The following XKR6 variants were observed in gnomAD, a reference collection of about 807,000 sequenced individuals.
The protein encoded by XKR6 is XK-related protein 6.
Under a neutral mutation model 56.7 loss-of-function variants are expected in XKR6, and 22 were observed. That is an observed-to-expected ratio of 0.39 (90% CI 0.28 to 0.55). XKR6 has a LOEUF of 0.55. Ranked by LOEUF, XKR6 falls within the 20% of genes least tolerant of loss-of-function variation. XKR6 has a pLI of 0.66. For missense variants in XKR6, 852 were observed against 889.0 expected (o/e 0.96, Z 0.53); for synonymous variants, 524 against 387.8 (o/e 1.35, Z -4.13).
chr8:10,898,392 C>T lies in XKR6; in HGVS notation c.1486G>A (p.Gly496Ser). The T allele has an allele frequency of 6.2e-7, 1 of 1,613,994 alleles. No individual in the cohort carries two copies. The highest frequency in any genetic ancestry group is 1.1e-5 in the South Asian group (1 of 91,054). ...CGTGGTCCTGTGGGATGCAGCACGC[C>T]ATAGTATAAGAGCATCATTGCGATC... is the stretch of plus-strand genomic sequence containing the variant. ...AGIAMMLLYYGVLHPTGPRAK... is the reference protein window; with the variant it reads ...AGIAMMLLYYSVLHPTGPRAK... The change falls in exon 3 of 3, where the codon GGC becomes AGC. Residue 496 changes from glycine to serine, a missense_variant. Coordinates refer to ENST00000416569, the MANE Select transcript of XKR6 (RefSeq NM_173683.4). This position sits in a 1 kb window ranked among gnomAD's most constrained non-coding sequence, Gnocchi z 6.6.
intron 1 of XKR6, among the ~76,000 whole-genome samples, chr8:10,926,499 C>A (rs78543895): frequency 0.15 from 22,521 of 152,250 alleles, 1,918 homozygotes; most frequent in Non-Finnish European, 0.18. Flanking sequence ...TCCAGACCCA[C>A]CCCCTGTGGT....
intron 1 of XKR6, among the ~76,000 whole-genome samples, chr8:11,025,341 T>C (rs1001873725): frequency 1.3e-5 from 2 of 152,242 alleles, no homozygotes; most frequent in Non-Finnish European, 2.9e-5. Context: ...CTTTTCTTTA[T>C]AATATGCTTC....
chr8:11,015,195 CTTT>C (rs35305267), intron 1 of XKR6, among the ~76,000 whole-genome samples: 393 of 146,116 alleles, frequency 2.7e-3, no homozygotes, highest in African/African-American at 8.9e-3. Flanking sequence ...GTGAGCTGCA[CTTT>C]TTTTTTTTTT....
At chr8:10,963,689 T>C (rs542818087) in intron 1 of XKR6, among the ~76,000 whole-genome samples, 6 of 151,826 alleles carry the variant, frequency 4.0e-5, no homozygotes, top group African/African-American at 1.2e-4. Flanking sequence ...GGACCACAGG[T>C]AAATGCCATC....
intron 1 of XKR6, among the ~76,000 whole-genome samples, chr8:11,070,450 GAGA>G (rs1312313506): frequency 2.0e-5 from 3 of 152,184 alleles, no homozygotes; most frequent in Non-Finnish European, 2.9e-5. Context: ...TGGGTAGGAG[GAGA>G]AGATCAGAAA....
At chr8:10,979,664 T>G (rs1330554519) in intron 1 of XKR6, among the ~76,000 whole-genome samples, 2 of 152,190 alleles carry the variant, frequency 1.3e-5, no homozygotes, top group African/African-American at 4.8e-5. Flanking sequence ...ATCATATGTC[T>G]GCAGGTCCCT....
At chr8:11,045,206 C>A (rs1326308573) in intron 1 of XKR6, among the ~76,000 whole-genome samples, 1 of 150,084 alleles carries the variant, frequency 6.7e-6, no homozygotes, top group Non-Finnish European at 1.5e-5. Flanking sequence ...CTGCCTCAGC[C>A]TCCTGAGTAG....
intron 1 of XKR6, among the ~76,000 whole-genome samples, chr8:11,121,735 CAT>C (rs1349336326): frequency 6.6e-6 from 1 of 152,192 alleles, no homozygotes; most frequent in Non-Finnish European, 1.5e-5. Context: ...CACATGCACA[CAT>C]ATGTTTATTG....
chr8:11,104,171 G>T (rs2129177003), intron 1 of XKR6, among the ~76,000 whole-genome samples: 1 of 152,320 alleles, frequency 6.6e-6, no homozygotes, highest in Middle Eastern at 3.4e-3. Context: ...GTAGCGTATG[G>T]CAAGCTTTCC....
chr8:11,188,673 T>C (rs556240251), intron 1 of XKR6, among the ~76,000 whole-genome samples: 2 of 152,276 alleles, frequency 1.3e-5, no homozygotes, highest in African/African-American at 4.8e-5. Context: ...AACTCTTCTG[T>C]TGACTACTCA....
At position 11,176,778 on chromosome 8, in the gene XKR6, C is replaced by T. The variant is rs1280214780; in HGVS notation, c.764+23798G>A. Among the ~76,000 whole-genome samples the T allele has an allele frequency of 3.3e-5, 5 of 152,130 alleles. 1 individual carries two copies. The highest frequency in any genetic ancestry group is 9.6e-5 in the African/African-American group (4 of 41,510). On this transcript the variant is annotated intron_variant, in intron 1 of 2. Coordinates refer to ENST00000416569, the MANE Select transcript of XKR6 (RefSeq NM_173683.4). Reference sequence around the variant, plus strand: ...CAAAGAAAACCCCCACCCCGCAAAGCCACCAAATCCAAGCAGGAGACCTCC... The same window carrying T: ...CAAAGAAAACCCCCACCCCGCAAAGTCACCAAATCCAAGCAGGAGACCTCC...
At chr8:11,148,211 A>C (rs1801088451) in intron 1 of XKR6, among the ~76,000 whole-genome samples, 1 of 152,204 alleles carries the variant, frequency 6.6e-6, no homozygotes, top group Non-Finnish European at 1.5e-5. Context: ...CCCTGTCTCA[A>C]AAACAAACAG....
chr8:11,062,870 G>A (rs1024244601), intron 1 of XKR6: 7 of 456,012 alleles, frequency 1.5e-5, no homozygotes, highest in African/African-American at 1.0e-4. Context: ...GTGAGTGGAA[G>A]TGGGTGTCCC....
intron 1 of XKR6, among the ~76,000 whole-genome samples, chr8:11,186,981 C>T (rs78337825): frequency 6.6e-6 from 1 of 152,120 alleles, no homozygotes; most frequent in African/African-American, 2.4e-5. Context: ...GAGAAAAAAA[C>T]CATGAAAACA....
chr8:10,957,792 G>T (rs905250485), intron 1 of XKR6, among the ~76,000 whole-genome samples: 4 of 152,146 alleles, frequency 2.6e-5, no homozygotes, highest in Admixed American at 1.3e-4. Context: ...CGAAACTGGG[G>T]AGTGGGGAAA....
intron 1 of XKR6, among the ~76,000 whole-genome samples, chr8:11,045,405 A>T (rs1176966676): frequency 6.6e-6 from 1 of 152,054 alleles, no homozygotes; most frequent in South Asian, 2.1e-4. Flanking sequence ...ACTCTTAAAG[A>T]TATTAAATAT....
At chr8:11,153,423 C>T (rs1801356517) in intron 1 of XKR6, among the ~76,000 whole-genome samples, 1 of 152,228 alleles carries the variant, frequency 6.6e-6, no homozygotes, top group Admixed American at 6.5e-5. Context: ...TCTACTACTA[C>T]TGCTTTTTGG....
intron 2 of XKR6, among the ~76,000 whole-genome samples, chr8:10,909,252 C>T (rs1178590036): frequency 6.6e-6 from 1 of 152,176 alleles, no homozygotes; most frequent in Admixed American, 6.5e-5. Flanking sequence ...AGCAAAGAGG[C>T]TCTCACCAGA....
intron 1 of XKR6, among the ~76,000 whole-genome samples, chr8:11,170,578 G>A (rs1204517398): frequency 1.3e-5 from 2 of 152,076 alleles, no homozygotes; most frequent in Admixed American, 1.3e-4. Flanking sequence ...ATGGATGCAG[G>A]GTTTCTTTTT....
Sources: allele counts gnomAD v4.1 joint callset (sites outside exome capture counted in the v4.1 genomes callset), GRCh38; gene constraint gnomAD v4.1.1; non-coding constraint Gnocchi (gnomAD v3.1); transcripts MANE v1.5; gene names NCBI Gene and HGNC (gene_info 2026-07-23, HGNC 2026-07-21).